Variants in TRAF3 observed in about 807,000 individuals in gnomAD.
TRAF3 encodes the protein TNF receptor-associated factor 3.
TRAF3 carries 13 observed loss-of-function variants against 62.3 expected under a neutral mutation model. The observed-to-expected ratio is 0.21, with a 90% confidence interval of 0.14 to 0.33. The LOEUF is 0.33. Ranked by LOEUF, TRAF3 falls within the 10% of genes least tolerant of loss-of-function variation. The probability of loss-of-function intolerance (pLI) is 1.00; values close to 1 mark genes in which losing one functional copy is unlikely to be tolerated. For synonymous variants in TRAF3, 269 were observed against 283.4 expected (o/e 0.95, Z 0.51); for missense variants, 440 against 741.8 (o/e 0.59, Z 4.73).
chr14:102,871,687 A>C (rs575713118), intron 3 of TRAF3, among the ~76,000 whole-genome samples: 10 of 152,250 alleles, frequency 6.6e-5, no homozygotes, highest in Non-Finnish European at 1.2e-4. Context: ...GGACTGAACT[A>C]AACTGTTCTA....
At chr14:102,875,950 CCCT>C (rs374780292) in intron 5 of TRAF3, among the ~76,000 whole-genome samples, 114 of 152,220 alleles carry the variant, frequency 7.5e-4, no homozygotes, top group African/African-American at 2.6e-3. Context: ...ACACTCCCCC[CCCT>C]ACTTAGAATA....
chr14:102,841,330 C>T (rs897070565), intron 2 of TRAF3, among the ~76,000 whole-genome samples: 2 of 152,208 alleles, frequency 1.3e-5, no homozygotes, highest in Non-Finnish European at 2.9e-5. Context: ...CAAGAGGAAG[C>T]ACCTCAAGGC....
chr14:102,886,627 G>A (rs776864098), intron 7 of TRAF3, among the ~76,000 whole-genome samples: 3 of 151,962 alleles, frequency 2.0e-5, no homozygotes, highest in East Asian at 3.9e-4. Context: ...GTGGTGGCGC[G>A]CACCTGTAAT....
chr14:102,816,494 A>G (rs926577557), intron 1 of TRAF3, among the ~76,000 whole-genome samples: 1 of 152,242 alleles, frequency 6.6e-6, no homozygotes, highest in Admixed American at 6.5e-5. Flanking sequence ...AATTTTTGAT[A>G]ATATTACATG....
At chr14:102,843,483 G>T (rs748019427) in intron 2 of TRAF3, among the ~76,000 whole-genome samples, 1 of 151,854 alleles carries the variant, frequency 6.6e-6, no homozygotes, top group African/African-American at 2.4e-5. Flanking sequence ...GACTATAAGC[G>T]TGTGCCACCA....
chr14:102,897,327 T>G lies in TRAF3; in HGVS notation c.886T>G (p.Cys296Gly). The change falls in exon 10 of 12, where the codon TGT becomes GGT. Residue 296 changes from cysteine to glycine, a missense_variant. By Grantham distance (159) the Cys-to-Gly change is radical. Coordinates refer to ENST00000392745, the MANE Select transcript of TRAF3 (RefSeq NM_145725.3). ...KSIQSLHNQICSFEIEIERQK... is the reference protein window; with the variant it reads ...KSIQSLHNQIGSFEIEIERQK... ...CATACAAAGTTTGCACAATCAGATA[T>G]GTAGCTTTGAAATTGAAATTGAGAG... is the stretch of plus-strand genomic sequence containing the variant. The G allele has an allele frequency of 6.2e-7, 1 of 1,613,940 alleles. No homozygotes were observed. Among genetic ancestry groups the G allele is most frequent in the Admixed American group, 1.7e-5 (1 of 60,016 alleles).
At chr14:102,811,639 C>G (rs1199224727) in intron 1 of TRAF3, among the ~76,000 whole-genome samples, 7 of 147,206 alleles carry the variant, frequency 4.8e-5, no homozygotes, top group African/African-American at 1.8e-4. Flanking sequence ...CGATGAAGGC[C>G]TTCATTACAG....
chr14:102,810,656 T>G (rs1198596518), intron 1 of TRAF3: 3 of 152,198 alleles, frequency 2.0e-5, no homozygotes, highest in African/African-American at 7.2e-5. Flanking sequence ...TATGATTGTT[T>G]TGATCAGCAG....
chr14:102,870,263 T>A lies in TRAF3; in HGVS notation c.62T>A (p.Leu21Gln). ...CTGCAGACTAACCCGCCGCTAAAGCTGCACACTGACCGCAGTGCTGGGACG... is the reference window on the plus strand; with the variant it reads ...CTGCAGACTAACCCGCCGCTAAAGCAGCACACTGACCGCAGTGCTGGGACG... Reference protein sequence around the residue: ...GALQTNPPLKLHTDRSAGTPV... With the variant: ...GALQTNPPLKQHTDRSAGTPV... Residue 21 changes from leucine (L) to glutamine (Q), a missense_variant, in exon 3 of 12, where the codon CTG becomes CAG. Physicochemically the swap from Leu to Gln is moderately radical, Grantham distance 113. Transcript: ENST00000392745. The A allele has an allele frequency of 6.2e-7, 1 of 1,614,220 alleles. No individual in the cohort carries two copies. The highest frequency in any genetic ancestry group is 8.5e-7 in the Non-Finnish European group (1 of 1,180,044).
At position 102,903,431 on chromosome 14, in the gene TRAF3, T is replaced by TGAGGCA. The variant is rs780795046; in HGVS notation, c.1135+4_1135+9dup. Reference sequence around the variant, plus strand: ...CGGGGCAAGTGGCTCGGAACACAGGTGAGGCAGGGGCCGGGGCCGGGCCAG... The same window carrying TGAGGCA: ...CGGGGCAAGTGGCTCGGAACACAGGTGAGGCAGAGGCAGGGGCCGGGGCCGGGCCAG... On this transcript the variant is annotated splice_region_variant and intron_variant, in intron 11 of 11. Coordinates refer to ENST00000392745, the MANE Select transcript of TRAF3 (RefSeq NM_145725.3). This position sits in a 1 kb window ranked among gnomAD's most constrained non-coding sequence, Gnocchi z 6.4. 2.3e-5 allele frequency: 37 copies of TGAGGCA among 1,613,074 alleles called. No homozygotes were observed. In the South Asian group the frequency reaches 4.0e-4, roughly 17 times the overall value.
intron 1 of TRAF3, among the ~76,000 whole-genome samples, chr14:102,789,589 G>GAT (rs574233831): frequency 6.1e-5 from 7 of 115,258 alleles, no homozygotes; most frequent in Admixed American, 2.8e-4. Context: ...ACTACAAAAG[G>GAT]ATATATGTGT....
At chr14:102,788,574 C>T (rs979454722) in intron 1 of TRAF3, among the ~76,000 whole-genome samples, 6 of 152,034 alleles carry the variant, frequency 3.9e-5, no homozygotes, top group East Asian at 3.9e-4. Flanking sequence ...CTGAGGCGGG[C>T]GGATCATGAG....
At chr14:102,789,500 G>A (rs1307818911) in intron 1 of TRAF3, among the ~76,000 whole-genome samples, 2 of 151,776 alleles carry the variant, frequency 1.3e-5, no homozygotes, top group Non-Finnish European at 2.9e-5. Flanking sequence ...ATGTCATATG[G>A]GTAATGTGCC....
chr14:102,815,139 A>G (rs150542976), intron 1 of TRAF3, among the ~76,000 whole-genome samples: 99 of 152,040 alleles, frequency 6.5e-4, no homozygotes, highest in African/African-American at 2.0e-3. Flanking sequence ...GAGTTTTACT[A>G]TGTTGCCCGG....
rs969209812 is a variant in TRAF3 at position 102,906,196 on chromosome 14, T to A, written c.*412T>A. Reference sequence around the variant, plus strand: ...GTCAGCATGTTAAGTAAAAGGAGAATTTATGAAATAGTAATGCAATTCTGA... The same window carrying A: ...GTCAGCATGTTAAGTAAAAGGAGAAATTATGAAATAGTAATGCAATTCTGA... On this transcript the variant is annotated 3_prime_UTR_variant, in exon 12 of 12. Transcript: ENST00000392745. 1.2e-5 allele frequency: 2 copies of A among 168,248 alleles called. No homozygotes were observed. Among genetic ancestry groups the A allele is most frequent in the African/African-American group, 4.8e-5 (2 of 41,782 alleles). 10.4% of individuals were successfully genotyped at this position (168,248 alleles called of 1,614,324 possible). A position where few individuals can be genotyped will look rare whatever the true frequency, so the allele number is the denominator to read the frequency against.
intron 6 of TRAF3, 31 bp downstream of exon 6, chr14:102,876,556 A>G (rs1888663565): frequency 1.9e-6 from 3 of 1,608,602 alleles, no homozygotes; most frequent in Middle Eastern, 2.0e-4. Flanking sequence ...CAGGCCTTCC[A>G]CTCAATTCCT....
intron 2 of TRAF3, among the ~76,000 whole-genome samples, chr14:102,853,200 C>T (rs1887151400): frequency 6.6e-6 from 1 of 152,082 alleles, no homozygotes; most frequent in South Asian, 2.1e-4. Flanking sequence ...TGCACCTGGC[C>T]TTTATTTTTT....
In TRAF3 at chr14:102,909,846, T is replaced by C. The variant is rs1890771935; in HGVS notation, c.*4062T>C. The stretch of plus-strand genomic sequence containing the variant: ...CAACGTCACATTCCAGCACCCCTTT[T>C]GCTTGATGGCGTCTGGTGGTAGTCA... On this transcript the variant is annotated 3_prime_UTR_variant, in exon 12 of 12. Coordinates refer to ENST00000392745, the MANE Select transcript of TRAF3 (RefSeq NM_145725.3). 6.6e-6 allele frequency: 1 copy of C among 152,260 alleles called. No homozygotes were observed. The allele number at this position is 152,260 out of a possible 1,614,324, so 9.4% of individuals were successfully genotyped here.
chr14:102,837,613 G>C (rs551108488), intron 2 of TRAF3, among the ~76,000 whole-genome samples: 46 of 152,144 alleles, frequency 3.0e-4, no homozygotes, highest in African/African-American at 1.0e-3. Context: ...ACAAACTCTG[G>C]CTGTGTCAGT....
Sources: gnomAD v4.1 joint callset for allele counts (sites outside exome capture counted in the v4.1 genomes callset) on GRCh38, gnomAD v4.1.1 for gene constraint, Gnocchi (gnomAD v3.1) non-coding constraint, MANE v1.5 for transcripts, NCBI Gene and HGNC (gene_info 2026-07-23, HGNC 2026-07-21) for gene names.